B3GALT1: variants seen among roughly 807,000 people sequenced by gnomAD.
B3GALT1 encodes UDP-Gal:betaGlcNAc beta 1,3-galactosyltransferase, polypeptide 1.
In B3GALT1, 10 loss-of-function variants were observed where a neutral mutation model predicts 23.2. That is an observed-to-expected ratio of 0.43 (90% confidence interval 0.27 to 0.73). The LOEUF is 0.73. Ranked by LOEUF, B3GALT1 falls within the 30% of genes least tolerant of loss-of-function variation. The pLI is 0.21. For synonymous variants in B3GALT1, 156 were observed against 141.5 expected (o/e 1.10, Z -0.73); for missense variants, 299 against 405.4 (o/e 0.74, Z 2.25).
intron 3 of B3GALT1, among the ~76,000 whole-genome samples, chr2:167,793,041 G>A (rs1688472094): frequency 6.6e-6 from 1 of 152,106 alleles, no homozygotes; most frequent in Non-Finnish European, 1.5e-5. Flanking sequence ...GAATTTCAAT[G>A]AAAATTATAT....
intron 2 of B3GALT1, among the ~76,000 whole-genome samples, chr2:167,556,506 C>A (rs771960644): frequency 1.3e-5 from 2 of 152,094 alleles, no homozygotes; most frequent in South Asian, 2.1e-4. Context: ...CATGAGGAAG[C>A]CTTTCTCATG....
At chr2:167,818,252 A>T (rs836720) in intron 3 of B3GALT1, among the ~76,000 whole-genome samples, 37,343 of 152,170 alleles carry the variant, frequency 0.25, 5,052 homozygotes, top group East Asian at 0.56. Flanking sequence ...TTTCCCTAAA[A>T]ATTGGACGTT....
At chr2:167,816,798 A>G (rs1333108408) in intron 3 of B3GALT1, among the ~76,000 whole-genome samples, 1 of 152,242 alleles carries the variant, frequency 6.6e-6, no homozygotes, top group Non-Finnish European at 1.5e-5. Flanking sequence ...TTTTATCAAT[A>G]TTATTAAGCA....
intron 1 of B3GALT1, among the ~76,000 whole-genome samples, chr2:167,383,060 C>T (rs938881721): frequency 6.6e-6 from 1 of 151,954 alleles, no homozygotes; most frequent in Admixed American, 6.6e-5. Context: ...CCTTGAATAC[C>T]CTGACTTGAT....
chr2:167,744,600 T>G (rs1687624207), intron 3 of B3GALT1, among the ~76,000 whole-genome samples: 1 of 152,126 alleles, frequency 6.6e-6, no homozygotes, highest in Admixed American at 6.5e-5. Flanking sequence ...CTTTTTCTTT[T>G]TTTTTTCTGA....
intron 3 of B3GALT1, among the ~76,000 whole-genome samples, chr2:167,784,555 A>G (rs919747632): frequency 2.0e-5 from 3 of 152,292 alleles, no homozygotes; most frequent in South Asian, 2.1e-4. Context: ...ATTTAAGCCT[A>G]CTTGTACAAA....
At chr2:167,540,778 G>T (rs1302064166) in intron 2 of B3GALT1, among the ~76,000 whole-genome samples, 2 of 151,980 alleles carry the variant, frequency 1.3e-5, no homozygotes, top group African/African-American at 4.8e-5. Context: ...TAATTCTGGG[G>T]AATTAAATTA....
At chr2:167,660,383 G>A (rs1301803281) in intron 3 of B3GALT1, among the ~76,000 whole-genome samples, 1 of 151,958 alleles carries the variant, frequency 6.6e-6, no homozygotes, top group Non-Finnish European at 1.5e-5. Context: ...AGTATGTCAG[G>A]GAATAACTTT....
At chr2:167,541,666 C>T (rs536352175) in intron 2 of B3GALT1, among the ~76,000 whole-genome samples, 4 of 151,014 alleles carry the variant, frequency 2.6e-5, no homozygotes, top group Non-Finnish European at 5.9e-5. Context: ...GCCAGCTGAA[C>T]ATTTACTGGG....
chr2:167,866,226 CGGCTAGTGTGAAT>C (rs1297488795), intron 4 of B3GALT1, among the ~76,000 whole-genome samples: 1 of 152,168 alleles, frequency 6.6e-6, no homozygotes, highest in African/African-American at 2.4e-5. Context: ...ATTCACGTTA[CGGCTAGTGTGAAT>C]GGCACCCTCT....
At chr2:167,510,617 T>C (rs1273706956) in intron 2 of B3GALT1, among the ~76,000 whole-genome samples, 2 of 152,136 alleles carry the variant, frequency 1.3e-5, no homozygotes, top group Non-Finnish European at 2.9e-5. Context: ...GCAAGCCTGC[T>C]GCTAACCTTT....
intron 2 of B3GALT1, among the ~76,000 whole-genome samples, chr2:167,645,962 G>A (rs1038906487): frequency 6.6e-6 from 1 of 152,102 alleles, no homozygotes; most frequent in Non-Finnish European, 1.5e-5. Context: ...GGCTTCAAAA[G>A]CTATAAATGG....
At chr2:167,719,071 A>G (rs1687193165) in intron 3 of B3GALT1, among the ~76,000 whole-genome samples, 2 of 152,246 alleles carry the variant, frequency 1.3e-5, no homozygotes, top group African/African-American at 4.8e-5. Context: ...CAATACACAA[A>G]TTAATCTAAA....
At chr2:167,606,944 G>A (rs1005825187) in intron 2 of B3GALT1, among the ~76,000 whole-genome samples, 8 of 152,116 alleles carry the variant, frequency 5.3e-5, no homozygotes, top group African/African-American at 1.9e-4. Flanking sequence ...TCAGTTTGTA[G>A]CATTTAGGGG....
intron 1 of B3GALT1, among the ~76,000 whole-genome samples, chr2:167,439,683 T>C (rs1698846477): frequency 6.6e-6 from 1 of 152,174 alleles, no homozygotes; most frequent in Non-Finnish European, 1.5e-5. Flanking sequence ...TCATTAAGTT[T>C]TCAATAGATG....
chr2:167,865,916 G>A (rs1206638852), intron 4 of B3GALT1, among the ~76,000 whole-genome samples: 1 of 152,124 alleles, frequency 6.6e-6, no homozygotes, highest in Non-Finnish European at 1.5e-5. Flanking sequence ...CTCAGCTCAG[G>A]ACGGTGTCTG....
At chr2:167,529,177 CA>C (rs1363618757) in intron 2 of B3GALT1, among the ~76,000 whole-genome samples, 1 of 152,112 alleles carries the variant, frequency 6.6e-6, no homozygotes, top group Admixed American at 6.6e-5. Context: ...TCCTGGAACA[CA>C]TACCTTCCTG....
chr2:167,316,616 A>G (rs1478799259), intron 1 of B3GALT1, among the ~76,000 whole-genome samples: 1 of 152,102 alleles, frequency 6.6e-6, no homozygotes, highest in Non-Finnish European at 1.5e-5. Flanking sequence ...GGCTAATAAC[A>G]TATTGAAATT....
rs71940853 is a variant in B3GALT1, at chr2:167,803,081, A to AACACACACACACAC, written c.-351-15564_-351-15551dup. Among the ~76,000 whole-genome samples the AACACACACACACAC allele has an allele frequency of 5.6e-3, 790 of 141,446 alleles. 8 individuals are homozygous for AACACACACACACAC. Among genetic ancestry groups the AACACACACACACAC allele is most frequent in the Middle Eastern group, 0.018 (5 of 282 alleles). The allele number at this position is 141,446 out of a possible 152,430, so 92.8% of individuals were successfully genotyped here. A position where few individuals can be genotyped will look rare whatever the true frequency, so the allele number is the denominator to read the frequency against. On this transcript the variant is annotated intron_variant, in intron 3 of 4. Coordinates refer to ENST00000392690, the MANE Select transcript of B3GALT1 (RefSeq NM_020981.4). ...TGACAATGTTCATTTGACCCTAACA[A>AACACACACACACAC]ACACACACACACACACACACACACA...
Sources: gnomAD v4.1 joint callset for allele counts (sites outside exome capture counted in the v4.1 genomes callset) on GRCh38, gnomAD v4.1.1 for gene constraint, MANE v1.5 for transcripts, NCBI Gene and HGNC (gene_info 2026-07-23, HGNC 2026-07-21) for gene names.